DERA: variants seen among roughly 807,000 people sequenced by gnomAD.
DERA encodes 2-deoxy-D-ribose 5-phosphate aldolase.
A neutral mutation model predicts 41.1 loss-of-function variants in DERA; 15 were observed. That is an observed-to-expected ratio of 0.37 (90% confidence interval 0.24 to 0.56). DERA has a LOEUF of 0.56. Ranked by LOEUF, DERA falls within the 20% of genes least tolerant of loss-of-function variation. The probability of loss-of-function intolerance (pLI) is 0.81; values close to 1 mark genes in which losing one functional copy is unlikely to be tolerated. For missense variants in DERA, 396 were observed against 403.4 expected, an observed-to-expected ratio of 0.98 and a Z score of 0.16; for synonymous variants, 139 against 137.4, an observed-to-expected ratio of 1.01 and a Z score of -0.08.
At chr12:16,033,263 A>AATATAT (rs985085354) in intron 7 of DERA, among the ~76,000 whole-genome samples, 1 of 152,256 alleles carries the variant, frequency 6.6e-6, no homozygotes, top group Non-Finnish European at 1.5e-5. Flanking sequence ...TATTAAACAA[A>AATATAT]ATAATGAAAT....
At chr12:15,926,742 G>GAA (rs71051274) in intron 1 of DERA, among the ~76,000 whole-genome samples, 3,942 of 120,378 alleles carry the variant, frequency 0.033, 139 homozygotes, top group African/African-American at 0.087. Flanking sequence ...GTCTCAAAAA[G>GAA]AAAAAAAAAA....
chr12:15,960,667 C>T (rs1427008763), intron 4 of DERA, among the ~76,000 whole-genome samples: 3 of 114,428 alleles, frequency 2.6e-5, no homozygotes, highest in South Asian at 2.7e-4. Context: ...AAAAAAACAA[C>T]GATATGTGCA....
intron 1 of DERA, among the ~76,000 whole-genome samples, chr12:15,950,750 C>G (rs112405515): frequency 4.5e-4 from 69 of 152,164 alleles, no homozygotes; most frequent in African/African-American, 1.6e-3. Context: ...ATTTTCTTAC[C>G]CTATATAACT....
intron 6 of DERA, among the ~76,000 whole-genome samples, chr12:16,025,730 CA>C: frequency 6.6e-6 from 1 of 152,210 alleles, no homozygotes; most frequent in African/African-American, 2.4e-5. Flanking sequence ...TAGAAAACTT[CA>C]TCCAACAACA....
In DERA at chr12:15,996,157, ATGTGTGTGTGTGTGTG is replaced by A. The variant is rs34468299; in HGVS notation, c.637+13741_637+13756del. ...GCAGACACAGACACACACACAGAGC[ATGTGTGTGTGTGTGTG>A]TGTGTGTGTGTGTGTGTGTAATTTA... On this transcript the variant is annotated intron_variant, in intron 6 of 8. Coordinates refer to ENST00000428559, the MANE Select transcript of DERA (RefSeq NM_015954.4). The surrounding 1 kb of genome is among the most constrained non-coding windows in gnomAD (Gnocchi z 4.7). 8.3e-5 allele frequency among the ~76,000 whole-genome samples: 12 copies of A among 145,136 alleles called. No homozygotes were observed. Among genetic ancestry groups the A allele is most frequent in the Admixed American group, 2.7e-4 (4 of 14,692 alleles).
chr12:15,927,036 T>C (rs1948291857), intron 1 of DERA, among the ~76,000 whole-genome samples: 1 of 152,228 alleles, frequency 6.6e-6, no homozygotes, highest in Non-Finnish European at 1.5e-5. Flanking sequence ...AATAGTCAAG[T>C]ACATAAACTA....
At chr12:15,962,628 C>T in intron 4 of DERA, 185 bp from the exon 5 acceptor site, 2 of 485,160 alleles carry the variant, frequency 4.1e-6, no homozygotes, top group Non-Finnish European at 7.3e-6. Flanking sequence ...AATTTCTTCA[C>T]ACTTATGCAT....
At chr12:15,946,291 T>A (rs149256288) in intron 1 of DERA, among the ~76,000 whole-genome samples, 2,843 of 152,324 alleles carry the variant, frequency 0.019, 100 homozygotes, top group African/African-American at 0.063. Flanking sequence ...TGGAATAGTT[T>A]CAGAAGGAAT....
Position 15,959,905 on chromosome 12 carries a change from TA to T in DERA, c.356del (p.Asn119IlefsTer18). 1 of 1,548,048 alleles carries T rather than the reference TA, an allele frequency of 6.5e-7. No individual in the cohort carries two copies. Among genetic ancestry groups the T allele is most frequent in the Non-Finnish European group, 8.7e-7 (1 of 1,143,722 alleles). On this transcript the variant is annotated frameshift_variant, in exon 4 of 9. Transcript: ENST00000428559. LOFTEE classifies it high-confidence loss of function. This position sits in a 1 kb window ranked among gnomAD's most constrained non-coding sequence, Gnocchi z 4.5. ...TAAAAGCACTCAAGGCTGCAGGCTG[TA>T]ATATCCCTGTGGCATCAGGTAAAAT... ...AVKALKAAGCNIPVASVAAGF... is the reference protein window; with the variant it reads ...AVKALKAAGCXIPVASVAAGF...
Position 15,962,802 on chromosome 12 carries a change from A to C in DERA, c.374-11A>C. 6.6e-7 allele frequency: 1 copy of C among 1,503,790 alleles called. No individual in the cohort carries two copies. Among genetic ancestry groups the C allele is most frequent in the South Asian group, 1.3e-5 (1 of 76,328 alleles). The allele number at this position is 1,503,790 out of a possible 1,614,324, so 93.2% of individuals were successfully genotyped here. ...TCCCTCTTTCTTCATTTCCTTTCTT[A>C]ACTCTATTAGTGGCCGCTGGATTTC... On this transcript the variant is annotated splice_polypyrimidine_tract_variant and intron_variant, in intron 4 of 8. Transcript: ENST00000428559.
intron 3 of DERA, 86 bp downstream of exon 3, chr12:15,958,421 A>G (rs1260882072): frequency 9.4e-7 from 1 of 1,066,316 alleles, no homozygotes; most frequent in Non-Finnish European, 1.3e-6. Flanking sequence ...TACAGCTGCT[A>G]ATGATAGCGG....
chr12:15,986,578 A>G (rs1463180137), intron 6 of DERA, among the ~76,000 whole-genome samples: 1 of 152,186 alleles, frequency 6.6e-6, no homozygotes, highest in Admixed American at 6.5e-5. Flanking sequence ...TACATGTCAC[A>G]AATGGAAGAA....
rs550227532 is a variant in DERA, at chr12:15,928,207, G to A, written c.31+16793G>A. Reference sequence around the variant, plus strand: ...GAGTATTAACTGTAGCTACCATGCTGTGCAGTAGATCTCAAAGACTTACTT... The same window carrying A: ...GAGTATTAACTGTAGCTACCATGCTATGCAGTAGATCTCAAAGACTTACTT... On this transcript the variant is annotated intron_variant, in intron 1 of 8. Coordinates refer to ENST00000428559, the MANE Select transcript of DERA (RefSeq NM_015954.4). This position sits in a 1 kb window ranked among gnomAD's most constrained non-coding sequence, Gnocchi z 4.6. Among the ~76,000 whole-genome samples, 2 of 152,294 alleles carry A rather than the reference G, an allele frequency of 1.3e-5. No homozygotes were observed. Among genetic ancestry groups the A allele is most frequent in the African/African-American group, 4.8e-5 (2 of 41,566 alleles).
At chr12:15,914,135 C>T (rs1363384145) in intron 1 of DERA, among the ~76,000 whole-genome samples, 1 of 152,064 alleles carries the variant, frequency 6.6e-6, no homozygotes, top group African/African-American at 2.4e-5. Context: ...AGTCCTGGCA[C>T]TTTGGGAGGC....
At chr12:15,945,362 G>A (rs1321907830) in intron 1 of DERA, among the ~76,000 whole-genome samples, 1 of 152,166 alleles carries the variant, frequency 6.6e-6, no homozygotes, top group East Asian at 1.9e-4. Flanking sequence ...CTATCCATGA[G>A]CATGGAATGT....
chr12:16,028,183 G>A (rs1421696776), intron 6 of DERA, among the ~76,000 whole-genome samples: 2 of 152,102 alleles, frequency 1.3e-5, no homozygotes, highest in Admixed American at 6.5e-5. Context: ...CTTATACCAG[G>A]ACTGGTGCAG....
intron 6 of DERA, among the ~76,000 whole-genome samples, chr12:15,997,577 C>T (rs540905036): frequency 1.3e-5 from 2 of 152,058 alleles, no homozygotes; most frequent in African/African-American, 2.4e-5. Context: ...TTAACGGAAT[C>T]GTATGCAAAA....
At chr12:15,956,387 ATGT>A (rs1242631710) in intron 1 of DERA, among the ~76,000 whole-genome samples, 4 of 152,204 alleles carry the variant, frequency 2.6e-5, no homozygotes, top group African/African-American at 9.6e-5. Context: ...ATATCAGTCA[ATGT>A]TGTTATTTCT....
chr12:15,948,935 C>T (rs973509134), intron 1 of DERA, among the ~76,000 whole-genome samples: 1 of 152,202 alleles, frequency 6.6e-6, no homozygotes, highest in Non-Finnish European at 1.5e-5. Flanking sequence ...CCCTCAGCTG[C>T]AGGTCTGTTG....
Sources: gnomAD v4.1 joint callset for allele counts (sites outside exome capture counted in the v4.1 genomes callset) on GRCh38, gnomAD v4.1.1 for gene constraint, Gnocchi (gnomAD v3.1) non-coding constraint, MANE v1.5 for transcripts, NCBI Gene and HGNC (gene_info 2026-07-23, HGNC 2026-07-21) for gene names.